The following SVIL variants were observed in gnomAD, a reference collection of about 807,000 sequenced individuals.
SVIL encodes archvillin.
Under a neutral mutation model 240.4 loss-of-function variants are expected in SVIL, and 101 were observed. The ratio of observed to expected loss-of-function variants is 0.42; its 90% confidence interval spans 0.36 to 0.50. The LOEUF (loss-of-function observed/expected upper bound fraction) is 0.50. Among genes scored for constraint, SVIL ranks in the 20% least tolerant of loss-of-function variants. The probability of loss-of-function intolerance (pLI) is 0.01; values close to 1 mark genes in which losing one functional copy is unlikely to be tolerated. For missense variants in SVIL, 2,512 were observed against 2,818.7 expected (o/e 0.89, Z 2.46); for synonymous variants, 999 against 1,100.0 (o/e 0.91, Z 1.82).
At chr10:29,512,927 A>G (rs1441407775) in intron 16 of SVIL, 66 bp from the exon 17 acceptor site, 15 of 1,570,980 alleles carry the variant, frequency 9.5e-6, no homozygotes, top group Non-Finnish European at 1.1e-5. Context: ...TGGAACCATA[A>G]TCTAGGTAAG....
At chr10:29,702,272 A>G (rs1486284229) in intron 1 of SVIL, among the ~76,000 whole-genome samples, 1 of 152,082 alleles carries the variant, frequency 6.6e-6, no homozygotes, top group African/African-American at 2.4e-5. Flanking sequence ...GAGGTGCTAC[A>G]TTTTGAATAA....
chr10:29,620,388 GAGAAAGGAGA>G (rs1181891870), intron 1 of SVIL, among the ~76,000 whole-genome samples: 4 of 152,174 alleles, frequency 2.6e-5, no homozygotes, highest in African/African-American at 9.7e-5. Flanking sequence ...AGAGGTGGGA[GAGAAAGGAGA>G]GGACTCCCCT....
intron 1 of SVIL, among the ~76,000 whole-genome samples, chr10:29,595,859 C>T (rs1956563782): frequency 6.6e-6 from 1 of 152,190 alleles, no homozygotes; most frequent in Non-Finnish European, 1.5e-5. Context: ...ACACGTGGCC[C>T]TAGGGAAACA....
chr10:29,529,550 G>C (rs891732726), intron 12 of SVIL, among the ~76,000 whole-genome samples, 155 bp downstream of exon 12: 13 of 152,168 alleles, frequency 8.5e-5, no homozygotes, highest in African/African-American at 3.1e-4. Context: ...AAAGTTTAGA[G>C]AGACCACAGT....
chr10:29,679,330 T>A (rs544939486), intron 2 of SVIL, among the ~76,000 whole-genome samples: 1 of 152,302 alleles, frequency 6.6e-6, no homozygotes, highest in African/African-American at 2.4e-5. Flanking sequence ...AAAAATGACA[T>A]ATATTTGTGA....
intron 1 of SVIL, among the ~76,000 whole-genome samples, chr10:29,586,850 A>G (rs770712217): frequency 1.1e-4 from 17 of 152,152 alleles, no homozygotes; most frequent in Non-Finnish European, 2.1e-4. Context: ...ATGAGAACAC[A>G]TGGACACATA....
intron 1 of SVIL, among the ~76,000 whole-genome samples, chr10:29,694,497 T>C (rs187290774): frequency 6.6e-6 from 1 of 152,200 alleles, no homozygotes; most frequent in Non-Finnish European, 1.5e-5. Flanking sequence ...TTTTACTCTG[T>C]CACCTGGGCT....
intron 2 of SVIL, among the ~76,000 whole-genome samples, chr10:29,678,753 G>A (rs563618288): frequency 5.8e-4 from 88 of 152,334 alleles, no homozygotes; most frequent in Middle Eastern, 6.8e-3. Context: ...GTAGAAGCTG[G>A]AAGATGTGTG....
In SVIL at chr10:29,551,627, G is replaced by A. The variant is rs531180251; in HGVS notation, c.161-364C>T. ...TCAGTATTTCACGTGGGAGGCCATA[G>A]GATGAGTTGGGTCCTCTGGGAAAGA... On this transcript the variant is annotated intron_variant, in intron 5 of 37. Coordinates refer to ENST00000355867, the MANE Select transcript of SVIL (RefSeq NM_021738.3). Among the ~76,000 whole-genome samples the A allele has an allele frequency of 1.2e-4, 18 of 152,320 alleles. 1 individual carries two copies. Among genetic ancestry groups the A allele is most frequent in the Admixed American group, 1.2e-3 (18 of 15,304 alleles).
intron 1 of SVIL, among the ~76,000 whole-genome samples, chr10:29,575,864 A>T (rs1321549674): frequency 6.6e-6 from 1 of 152,246 alleles, no homozygotes. Flanking sequence ...GGGTTGAGAA[A>T]TATGACACAT....
At chr10:29,517,352 A>C (rs1950273905) in intron 16 of SVIL, among the ~76,000 whole-genome samples, 1 of 152,182 alleles carries the variant, frequency 6.6e-6, no homozygotes, top group South Asian at 2.1e-4. Flanking sequence ...TTTGAGTCCC[A>C]GGAGGTGGAG....
At chr10:29,711,198 G>T (rs189909339) in intron 1 of SVIL, among the ~76,000 whole-genome samples, 2 of 150,546 alleles carry the variant, frequency 1.3e-5, no homozygotes, top group East Asian at 2.0e-4. Flanking sequence ...TCAGGAGTTC[G>T]AGACAAGCCT....
chr10:29,707,503 A>G (rs1962972184), intron 1 of SVIL, among the ~76,000 whole-genome samples: 1 of 152,052 alleles, frequency 6.6e-6, no homozygotes, highest in African/African-American at 2.4e-5. Flanking sequence ...TCCTAAGTAA[A>G]TGTCTCCAAA....
At chr10:29,542,235 A>G (rs1952225203) in intron 6 of SVIL, among the ~76,000 whole-genome samples, 1 of 152,176 alleles carries the variant, frequency 6.6e-6, no homozygotes, top group Non-Finnish European at 1.5e-5. Context: ...GCAAACACAG[A>G]AAATAGCAGA....
At chr10:29,474,652 G>C (rs534238737) in intron 29 of SVIL, among the ~76,000 whole-genome samples, 69 of 151,594 alleles carry the variant, frequency 4.6e-4, no homozygotes, top group African/African-American at 1.6e-3. Context: ...TAAAGTATTT[G>C]GTGACCGCCA....
chr10:29,472,109 C>CA (rs1564467270), intron 30 of SVIL, among the ~76,000 whole-genome samples: 1 of 151,648 alleles, frequency 6.6e-6, no homozygotes, highest in African/African-American at 2.4e-5. Flanking sequence ...ACCCCTGTCT[C>CA]AAAAAAATGA....
intron 1 of SVIL, among the ~76,000 whole-genome samples, chr10:29,729,860 A>AAAG (rs1964518530): frequency 7.6e-6 from 1 of 131,844 alleles, no homozygotes; most frequent in Non-Finnish European, 1.6e-5. Flanking sequence ...AAAAAAAAAA[A>AAAG]GGTGGCAATT....
chr10:29,636,468 A>G (rs1180432572), upstream of SVIL, among the ~76,000 whole-genome samples: 1 of 152,160 alleles, frequency 6.6e-6, no homozygotes. Flanking sequence ...GTGCCTCTTA[A>G]GTTTTTGCAC....
At chr10:29,525,871 AC>A (rs1424208877) in intron 13 of SVIL, among the ~76,000 whole-genome samples, 1 of 152,174 alleles carries the variant, frequency 6.6e-6, no homozygotes, top group East Asian at 1.9e-4. Context: ...GAGGCCAGTG[AC>A]AAAAAAGCCA....
Sources: gnomAD v4.1 joint callset for allele counts (sites outside exome capture counted in the v4.1 genomes callset) on GRCh38, gnomAD v4.1.1 for gene constraint, MANE v1.5 for transcripts, NCBI Gene and HGNC (gene_info 2026-07-23, HGNC 2026-07-21) for gene names.